The following BCAS3 variants were observed in gnomAD, a reference collection of about 807,000 sequenced individuals.
The protein encoded by BCAS3 is BCAS4/BCAS3 fusion.
A neutral mutation model predicts 116.1 loss-of-function variants in BCAS3; 53 were observed. That is an observed-to-expected ratio of 0.46 (90% confidence interval 0.37 to 0.57). The LOEUF is 0.57. Among genes scored for constraint, BCAS3 ranks in the 20% least tolerant of loss-of-function variants. The pLI is 0.00. For missense variants in BCAS3, 917 were observed against 1,165.4 expected (o/e 0.79, Z 3.10); for synonymous variants, 391 against 408.2 (o/e 0.96, Z 0.51).
chr17:61,124,986 A>G lies in BCAS3; in HGVS notation c.2425+40422A>G, dbSNP rs2075980263. 6.6e-6 allele frequency among the ~76,000 whole-genome samples: 1 copy of G among 152,350 alleles called. No individual in the cohort carries two copies. Among genetic ancestry groups the G allele is most frequent in the Non-Finnish European group, 1.5e-5 (1 of 68,032 alleles). ...CAAATTCCCTTTTCTTTCTTCACTT[A>G]TAAATAATGGTGGCTTTCATAGGAG... On this transcript the variant is annotated intron_variant, in intron 22 of 23. Transcript: ENST00000407086. The surrounding 1 kb of genome is among the most constrained non-coding windows in gnomAD (Gnocchi z 4.6).
Position 61,051,532 on chromosome 17 carries a change from G to A in BCAS3, c.2029+10640G>A, listed in dbSNP as rs1442907454. Among the ~76,000 whole-genome samples, 5 of 152,130 alleles carry A rather than the reference G, an allele frequency of 3.3e-5. No individual in the cohort carries two copies. The highest frequency in any genetic ancestry group is 5.9e-5 in the Non-Finnish European group (4 of 68,008). On this transcript the variant is annotated intron_variant, in intron 19 of 23. Coordinates refer to ENST00000407086, the MANE Select transcript of BCAS3 (RefSeq NM_017679.5). This position sits in a 1 kb window ranked among gnomAD's most constrained non-coding sequence, Gnocchi z 4.1. ...TTTCTGATTTTGCAACTGAGTGAAA[G>A]GTACACAGAGTATCACTGTACTATT...
At chr17:61,110,251 G>A (rs897197891) in intron 22 of BCAS3, among the ~76,000 whole-genome samples, 9 of 152,192 alleles carry the variant, frequency 5.9e-5, no homozygotes, top group South Asian at 2.1e-4. Flanking sequence ...CAAGATGGCC[G>A]AATAGGAACA....
At chr17:61,170,439 CCCA>C (rs1732157011) in intron 22 of BCAS3, among the ~76,000 whole-genome samples, 1 of 151,536 alleles carries the variant, frequency 6.6e-6, no homozygotes, top group African/African-American at 2.4e-5. Context: ...ACTACGGGTG[CCCA>C]CCACCACGCC....
Position 61,141,784 on chromosome 17 carries a change from C to T in BCAS3, c.2425+57220C>T, listed in dbSNP as rs999076897. 1.3e-5 allele frequency among the ~76,000 whole-genome samples: 2 copies of T among 151,748 alleles called. No individual in the cohort carries two copies. The highest frequency in any genetic ancestry group is 4.8e-5 in the African/African-American group (2 of 41,266). ...GGCGTGGTGGCGCACGCCTGTAGTC[C>T]CAACTACTCAGGAGGCTGAGGCAGG... On this transcript the variant is annotated intron_variant, in intron 22 of 23. Coordinates refer to ENST00000407086, the MANE Select transcript of BCAS3 (RefSeq NM_017679.5). This position sits in a 1 kb window ranked among gnomAD's most constrained non-coding sequence, Gnocchi z 4.3.
rs139521981 is a variant in BCAS3 at position 60,767,035 on chromosome 17, G to A, written c.403+19756G>A. ...ACGGGATATAACCTCCTGGTGTGCC[G>A]TTTGCTAAGACTGTTGGAAAAGCGC... is the stretch of plus-strand genomic sequence containing the variant. On this transcript the variant is annotated intron_variant, in intron 6 of 23. Transcript: ENST00000407086. Among the ~76,000 whole-genome samples, 787 of 152,330 alleles carry A rather than the reference G, an allele frequency of 5.2e-3. 9 individuals are homozygous for A. The highest frequency in any genetic ancestry group is 0.017 in the African/African-American group (692 of 41,580).
intron 19 of BCAS3, among the ~76,000 whole-genome samples, chr17:61,045,931 TA>T (rs1355934439): frequency 2.8e-4 from 5 of 18,066 alleles, no homozygotes; most frequent in African/African-American, 1.0e-3. Context: ...ATAATATATA[TA>T]AATATATATA....
intron 6 of BCAS3, among the ~76,000 whole-genome samples, chr17:60,769,774 A>AT (rs976113815): frequency 1.2e-4 from 18 of 150,298 alleles, no homozygotes; most frequent in East Asian, 2.0e-4. Flanking sequence ...ATTTTTTTTA[A>AT]TTTTTTTTTT....
chr17:60,816,781 T>G (rs148194328), intron 7 of BCAS3, among the ~76,000 whole-genome samples: 1 of 152,144 alleles, frequency 6.6e-6, no homozygotes, highest in African/African-American at 2.4e-5. Flanking sequence ...AAGAAAAGCT[T>G]GGGAAATTAG....
At chr17:61,099,520 T>C (rs942675155) in intron 22 of BCAS3, among the ~76,000 whole-genome samples, 1 of 152,236 alleles carries the variant, frequency 6.6e-6, no homozygotes, top group Non-Finnish European at 1.5e-5. Context: ...TATTCCTTTG[T>C]ATGGGCCTAT....
At chr17:60,908,324 C>T (rs867485374) in intron 11 of BCAS3, among the ~76,000 whole-genome samples, 26 of 152,102 alleles carry the variant, frequency 1.7e-4, no homozygotes, top group African/African-American at 6.3e-4. Context: ...TTATGTGCTC[C>T]AGTTCTTTTA....
At chr17:60,790,740 G>GTTT (rs541425777) in intron 6 of BCAS3, among the ~76,000 whole-genome samples, 28 of 118,912 alleles carry the variant, frequency 2.4e-4, no homozygotes, top group South Asian at 5.2e-4. Flanking sequence ...GTGTTTGTAG[G>GTTT]TTTTTTTTTT....
At chr17:60,998,845 T>C (rs1276441731) in intron 15 of BCAS3, among the ~76,000 whole-genome samples, 1 of 152,180 alleles carries the variant, frequency 6.6e-6, no homozygotes, top group South Asian at 2.1e-4. Context: ...TCAATTTTTT[T>C]TGTTGCATTT....
At chr17:60,693,332 A>G (rs536069268) in intron 4 of BCAS3, among the ~76,000 whole-genome samples, 32 of 152,124 alleles carry the variant, frequency 2.1e-4, no homozygotes, top group Non-Finnish European at 3.4e-4. Context: ...GGTTTACTCT[A>G]GTATAATGGG....
intron 6 of BCAS3, among the ~76,000 whole-genome samples, chr17:60,764,503 G>A (rs1040510979): frequency 1.3e-5 from 2 of 152,184 alleles, no homozygotes; most frequent in Non-Finnish European, 2.9e-5. Context: ...TAGTTGTGCA[G>A]TTTTGAGTGA....
In BCAS3 at chr17:61,122,560, A is replaced by C. The variant is rs894270708; in HGVS notation, c.2425+37996A>C. Among the ~76,000 whole-genome samples the C allele has an allele frequency of 7.9e-5, 12 of 152,198 alleles. No individual in the cohort carries two copies. Among genetic ancestry groups the C allele is most frequent in the African/African-American group, 2.7e-4 (11 of 41,454 alleles). On this transcript the variant is annotated intron_variant, in intron 22 of 23. Transcript: ENST00000407086. This position sits in a 1 kb window ranked among gnomAD's most constrained non-coding sequence, Gnocchi z 4.6. ...AATGCAAAAGCCCCGTGTGAGCATT[A>C]GTACTCAGGAATGTGATGTGGATTC... is the stretch of plus-strand genomic sequence containing the variant.
intron 11 of BCAS3, among the ~76,000 whole-genome samples, chr17:60,907,388 C>G (rs1166974232): frequency 6.6e-6 from 1 of 152,172 alleles, no homozygotes; most frequent in East Asian, 1.9e-4. Flanking sequence ...CCTGTTTTCT[C>G]TTGTTATCTG....
In BCAS3 at chr17:61,063,394, C is replaced by T. The variant is rs538028254; in HGVS notation, c.2030-11526C>T. Among the ~76,000 whole-genome samples, 402 of 152,066 alleles carry T rather than the reference C, an allele frequency of 2.6e-3. 3 individuals carry two copies. The highest frequency in any genetic ancestry group is 9.3e-3 in the African/African-American group (387 of 41,490). ...AAGCGATTCTCACGCCTCAGCCTCC[C>T]GAGTAGCTGGGACTACAGGCACCTG... On this transcript the variant is annotated intron_variant, in intron 19 of 23. Transcript: ENST00000407086. The surrounding 1 kb of genome is among the most constrained non-coding windows in gnomAD (Gnocchi z 5.3).
At chr17:61,335,469 T>C (rs1038198839) in intron 22 of BCAS3, among the ~76,000 whole-genome samples, 4 of 152,244 alleles carry the variant, frequency 2.6e-5, no homozygotes, top group African/African-American at 7.2e-5. Flanking sequence ...CTTTGGCCAC[T>C]GCTCTTCTAC....
At chr17:60,695,738 A>G (rs143951725) in intron 4 of BCAS3, among the ~76,000 whole-genome samples, 140 of 152,208 alleles carry the variant, frequency 9.2e-4, no homozygotes, top group African/African-American at 3.2e-3. Flanking sequence ...AGCTAGCACT[A>G]TAGGCACATG....
Sources: allele counts gnomAD v4.1 joint callset (sites outside exome capture counted in the v4.1 genomes callset), GRCh38; gene constraint gnomAD v4.1.1; non-coding constraint Gnocchi (gnomAD v3.1); transcripts MANE v1.5; gene names NCBI Gene and HGNC (gene_info 2026-07-23, HGNC 2026-07-21).